LHFPL6: variants seen among roughly 807,000 people sequenced by gnomAD.
LHFPL6 encodes the protein LHFPL tetraspan subfamily member 6.
In LHFPL6, 9 loss-of-function variants were observed where a neutral mutation model predicts 20.6. The ratio of observed to expected loss-of-function variants is 0.44; its 90% CI spans 0.26 to 0.76. The LOEUF (loss-of-function observed/expected upper bound fraction) is 0.76, where lower values mean the gene tolerates loss of function less well. LHFPL6 is among the 30% of genes least tolerant of loss of function. The pLI is 0.20. For synonymous variants in LHFPL6, 105 were observed against 98.7 expected (o/e 1.06, Z -0.38); for missense variants, 218 against 253.5 (o/e 0.86, Z 0.95).
chr13:39,597,024 A>G (rs1424098060), intron 2 of LHFPL6, among the ~76,000 whole-genome samples: 1 of 152,240 alleles, frequency 6.6e-6, no homozygotes, highest in Non-Finnish European at 1.5e-5. Context: ...TCAAAGAAAC[A>G]TTCTGACATC....
chr13:39,523,517 C>G (rs1162835362), intron 2 of LHFPL6, among the ~76,000 whole-genome samples: 4 of 145,968 alleles, frequency 2.7e-5, no homozygotes, highest in East Asian at 2.0e-4. Context: ...TGCAGTGAGC[C>G]GAGATCACAG....
intron 2 of LHFPL6, among the ~76,000 whole-genome samples, chr13:39,545,404 C>G (rs1156592826): frequency 6.6e-6 from 1 of 152,018 alleles, no homozygotes; most frequent in Non-Finnish European, 1.5e-5. Context: ...ACTTTTACAC[C>G]CTTGAATGCT....
intron 2 of LHFPL6, among the ~76,000 whole-genome samples, chr13:39,505,518 G>A (rs947085022): frequency 6.6e-6 from 1 of 151,898 alleles, no homozygotes; most frequent in Non-Finnish European, 1.5e-5. Context: ...AACACATGAA[G>A]GGCTTCCTGG....
intron 2 of LHFPL6, among the ~76,000 whole-genome samples, chr13:39,523,131 A>G (rs1870164365): frequency 6.6e-6 from 1 of 152,166 alleles, no homozygotes; most frequent in South Asian, 2.1e-4. Flanking sequence ...CCTTTATATA[A>G]TATTATGCTT....
At chr13:39,374,606 T>C (rs59284174) in intron 3 of LHFPL6, among the ~76,000 whole-genome samples, 4,316 of 152,194 alleles carry the variant, frequency 0.028, 219 homozygotes, top group African/African-American at 0.099. Context: ...GTAGCTGCAA[T>C]AGAGACCATA....
At chr13:39,352,871 A>C (rs1026210074) in intron 3 of LHFPL6, among the ~76,000 whole-genome samples, 1 of 67,878 alleles carries the variant, frequency 1.5e-5, no homozygotes, top group Non-Finnish European at 3.3e-5. Flanking sequence ...ATGTGTATAT[A>C]TATATATAAA....
chr13:39,384,602 G>A (rs1251045522), intron 2 of LHFPL6, among the ~76,000 whole-genome samples: 1 of 152,174 alleles, frequency 6.6e-6, no homozygotes, highest in East Asian at 1.9e-4. Context: ...GTATTACACT[G>A]TATGCAGAAA....
intron 2 of LHFPL6, among the ~76,000 whole-genome samples, chr13:39,403,003 G>A (rs551148714): frequency 6.6e-6 from 1 of 152,324 alleles, no homozygotes; most frequent in East Asian, 1.9e-4. Flanking sequence ...CCTAATTACT[G>A]AAAAAGCACC....
chr13:39,487,863 G>T (rs1998986), intron 2 of LHFPL6, among the ~76,000 whole-genome samples: 33,520 of 152,092 alleles, frequency 0.22, 5,777 homozygotes, highest in East Asian at 0.73. Context: ...CTGACCAACA[G>T]GGAGAAACCC....
chr13:39,407,208 A>T (rs1384013788), intron 2 of LHFPL6, among the ~76,000 whole-genome samples: 2 of 152,182 alleles, frequency 1.3e-5, no homozygotes, highest in South Asian at 2.1e-4. Context: ...TTCCCTGCCC[A>T]TTTAAAAAAA....
chr13:39,511,291 GTTTA>G (rs1420778596), intron 2 of LHFPL6, among the ~76,000 whole-genome samples: 1 of 152,014 alleles, frequency 6.6e-6, no homozygotes, highest in Admixed American at 6.6e-5. Flanking sequence ...TGTCAAATTT[GTTTA>G]TTTCTTAAAG....
chr13:39,401,392 T>C (rs930237096), intron 2 of LHFPL6, among the ~76,000 whole-genome samples: 3 of 152,200 alleles, frequency 2.0e-5, no homozygotes, highest in Admixed American at 2.0e-4. Context: ...AGTTTCATGA[T>C]GATACAGGTG....
intron 2 of LHFPL6, among the ~76,000 whole-genome samples, chr13:39,423,307 T>C (rs1344051214): frequency 6.6e-6 from 1 of 152,206 alleles, no homozygotes; most frequent in Non-Finnish European, 1.5e-5. Context: ...ATTTGAAGCA[T>C]ATATTTTTCA....
chr13:39,394,649 T>C (rs1870798571), intron 2 of LHFPL6, among the ~76,000 whole-genome samples: 1 of 152,186 alleles, frequency 6.6e-6, no homozygotes, highest in Admixed American at 6.5e-5. Context: ...CATATAAAAA[T>C]GCTTTCCTCA....
At chr13:39,512,830 G>A (rs1021798382) in intron 2 of LHFPL6, among the ~76,000 whole-genome samples, 4 of 152,200 alleles carry the variant, frequency 2.6e-5, no homozygotes, top group Admixed American at 6.5e-5. Context: ...TATCTATTAA[G>A]AGAGTCTCTC....
intron 2 of LHFPL6, among the ~76,000 whole-genome samples, chr13:39,482,859 A>C (rs1371316806): frequency 6.6e-6 from 1 of 152,184 alleles, no homozygotes; most frequent in Non-Finnish European, 1.5e-5. Flanking sequence ...TGAAAAGAAA[A>C]GGCATTAGAT....
chr13:39,600,765 C>G (rs1308130661), intron 2 of LHFPL6, 67 bp downstream of exon 2: 2 of 1,389,892 alleles, frequency 1.4e-6, no homozygotes, highest in African/African-American at 2.8e-5. Context: ...CAGTAGACAA[C>G]TGAAACATAA....
intron 2 of LHFPL6, among the ~76,000 whole-genome samples, chr13:39,520,191 T>C (rs554150352): frequency 6.6e-6 from 1 of 152,138 alleles, no homozygotes; most frequent in South Asian, 2.1e-4. Flanking sequence ...GATGTAGACA[T>C]GAAGGGCCTG....
chr13:39,357,129 G>A (rs568540109), intron 3 of LHFPL6, among the ~76,000 whole-genome samples: 39 of 152,232 alleles, frequency 2.6e-4, no homozygotes, highest in Non-Finnish European at 2.8e-4. Context: ...CCGAGATGGT[G>A]CCACTGCACT....
Sources: allele counts gnomAD v4.1 joint callset (sites outside exome capture counted in the v4.1 genomes callset), GRCh38; gene constraint gnomAD v4.1.1; transcripts MANE v1.5; gene names NCBI Gene and HGNC (gene_info 2026-07-23, HGNC 2026-07-21).